Variants in H2BC18 observed in about 807,000 individuals in gnomAD.
H2BC18 encodes histone H2B type 2-F.
Under a neutral mutation model 6.3 loss-of-function variants are expected in H2BC18, and 8 were observed. The ratio of observed to expected loss-of-function variants is 1.28; its 90% confidence interval spans 0.75 to 2.31. H2BC18 has a LOEUF of 2.31. Among genes scored for constraint, H2BC18 ranks in the 30% most tolerant of loss-of-function variants. The probability of loss-of-function intolerance (pLI) is 0.00; values close to 1 mark genes in which losing one functional copy is unlikely to be tolerated. For synonymous variants in H2BC18, 104 were observed against 78.1 expected, an observed-to-expected ratio of 1.33 and a Z score of -1.75; for missense variants, 106 against 174.5, an observed-to-expected ratio of 0.61 and a Z score of 2.21.
downstream of H2BC18, chr1:149,810,484 C>T (rs1433835838): frequency 1.3e-5 from 2 of 151,904 alleles, no homozygotes; most frequent in African/African-American, 4.8e-5. Context: ...ATTTTAAGCA[C>T]AAAGTTGTTA....
At chr1:149,804,605 TAAC>T (rs1254997851) in intron 1 of H2BC18, among the ~76,000 whole-genome samples, 1 of 151,788 alleles carries the variant, frequency 6.6e-6, no homozygotes, top group African/African-American at 2.4e-5. Flanking sequence ...TTCCTAACCA[TAAC>T]AATAATAAGA....
At chr1:149,789,422 ATG>A (rs1553751388) in intron 1 of H2BC18, among the ~76,000 whole-genome samples, 4 of 146,120 alleles carry the variant, frequency 2.7e-5, no homozygotes, top group African/African-American at 1.1e-4. Flanking sequence ...AATAATAATG[ATG>A]ATAATAAAGT....
At chr1:149,799,494 CCTTT>C (rs2091839044) in intron 1 of H2BC18, among the ~76,000 whole-genome samples, 1 of 151,746 alleles carries the variant, frequency 6.6e-6, no homozygotes, top group Non-Finnish European at 1.5e-5. Flanking sequence ...TCCTTTTATT[CCTTT>C]ATTTTCTCAT....
chr1:149,790,344 T>G (rs782233605), intron 1 of H2BC18: 1 of 1,585,812 alleles, frequency 6.3e-7, no homozygotes, highest in South Asian at 1.1e-5. Context: ...GCTTGGTGAG[T>G]GAGAATGACG....
chr1:149,792,809 G>C, intron 1 of H2BC18: 1 of 1,279,688 alleles, frequency 7.8e-7, no homozygotes, highest in Non-Finnish European at 1.0e-6. Context: ...GTAGGAGTCG[G>C]TGGGCAGCAA....
At chr1:149,809,338 G>A (rs1415595764), downstream of H2BC18, among the ~76,000 whole-genome samples, 1 of 146,306 alleles carries the variant, frequency 6.8e-6, no homozygotes, top group Non-Finnish European at 1.5e-5. Context: ...GATGCCAAGT[G>A]TAGTACTTTA....
chr1:149,796,034 CTTCT>C (rs1559750950), intron 1 of H2BC18, among the ~76,000 whole-genome samples: 2 of 151,760 alleles, frequency 1.3e-5, no homozygotes, highest in Non-Finnish European at 2.9e-5. Context: ...TAGGTACAGA[CTTCT>C]TTGTTAATGC....
chr1:149,806,562 T>A (rs1255451554), intron 1 of H2BC18, among the ~76,000 whole-genome samples: 3 of 151,284 alleles, frequency 2.0e-5, no homozygotes, highest in Non-Finnish European at 4.4e-5. Flanking sequence ...CACTCCAGCC[T>A]GGACAACAGA....
chr1:149,791,167 C>T (rs2091700703), intron 1 of H2BC18: 1 of 1,604,786 alleles, frequency 6.2e-7, no homozygotes, highest in African/African-American at 1.3e-5. Context: ...CCTTCCCTTC[C>T]AAACATAACT....
rs782046946 is a variant in H2BC18 at position 149,812,273 on chromosome 1, C to A, written c.51G>T (p.Lys17Asn). ...SAPAPKKGSK[K>N]AVTKVQKKDG... ...CCTTCTTCTGCACTTTCGTAACAGC[C>A]TTTTTGGAGCCCTTCTTGGGAGCAG... Residue 17 changes from lysine (K) to asparagine (N), a missense_variant, in exon 1 of 1, where the codon AAG (lysine) becomes AAT (asparagine). Around this residue, in one of 3 missense-constraint regions of H2BC18, gnomAD observed 70 missense variants for 64.6 expected, o/e 1.08. Transcript: ENST00000369167. 2 of 1,614,238 alleles carry A rather than the reference C, an allele frequency of 1.2e-6. No individual in the cohort carries two copies. The highest frequency in any genetic ancestry group is 1.7e-6 in the Non-Finnish European group (2 of 1,180,040).
At chr1:149,797,419 G>T (rs1229425755) in intron 1 of H2BC18, among the ~76,000 whole-genome samples, 1 of 151,702 alleles carries the variant, frequency 6.6e-6, no homozygotes, top group African/African-American at 2.4e-5. Flanking sequence ...TATTACTTAT[G>T]TGCTTTTTCA....
chr1:149,788,580 T>C (rs2102048933), intron 1 of H2BC18: 1 of 1,613,980 alleles, frequency 6.2e-7, no homozygotes, highest in Non-Finnish European at 8.5e-7. Flanking sequence ...TGGGAAAGCA[T>C]CGCTACACAT....
At chr1:149,800,067 A>C (rs1314570042) in intron 1 of H2BC18, among the ~76,000 whole-genome samples, 1 of 151,912 alleles carries the variant, frequency 6.6e-6, no homozygotes, top group Non-Finnish European at 1.5e-5. Flanking sequence ...AACCATTTCC[A>C]AGCTGGGGTT....
At chr1:149,797,057 C>T (rs1328615448) in intron 1 of H2BC18, among the ~76,000 whole-genome samples, 3 of 152,108 alleles carry the variant, frequency 2.0e-5, no homozygotes, top group African/African-American at 7.2e-5. Flanking sequence ...GAATTATAGG[C>T]ACACGCCACC....
At chr1:149,789,311 T>G (rs2091636805) in intron 1 of H2BC18, among the ~76,000 whole-genome samples, 1 of 152,110 alleles carries the variant, frequency 6.6e-6, no homozygotes, top group Non-Finnish European at 1.5e-5. Context: ...GAGAATAGCA[T>G]GAACCCGGGA....
chr1:149,793,900 G>A (rs1571404678), intron 1 of H2BC18: 1 of 1,286,428 alleles, frequency 7.8e-7, no homozygotes, highest in Non-Finnish European at 1.0e-6. Flanking sequence ...GGTCCATTCT[G>A]GATCTTTCCT....
At chr1:149,793,809 T>G (rs2091767900) in intron 1 of H2BC18, among the ~76,000 whole-genome samples, 1 of 151,890 alleles carries the variant, frequency 6.6e-6, no homozygotes, top group South Asian at 2.1e-4. Context: ...TCAGGCCCGT[T>G]TCAGAACACT....
chr1:149,810,936 T>A (rs1277431854), downstream of H2BC18: 1 of 152,090 alleles, frequency 6.6e-6, no homozygotes, highest in African/African-American at 2.4e-5. Context: ...AGCGCAAAGG[T>A]GACTCTTATA....
chr1:149,804,933 A>G (rs2091904242), intron 1 of H2BC18, among the ~76,000 whole-genome samples: 1 of 151,748 alleles, frequency 6.6e-6, no homozygotes. Flanking sequence ...GCAAGGTGGT[A>G]AGAGCCAGAA....
Sources: allele counts gnomAD v4.1 joint callset (sites outside exome capture counted in the v4.1 genomes callset), GRCh38; gene constraint gnomAD v4.1.1; regional missense constraint gnomAD v4.1.1; transcripts MANE v1.5; gene names NCBI Gene and HGNC (gene_info 2026-07-23, HGNC 2026-07-21).